The following ADARB2 variants were observed in gnomAD, a reference collection of about 807,000 sequenced individuals.
The protein encoded by ADARB2 is adenosine deaminase RNA specific B2 (inactive).
ADARB2 carries 25 observed loss-of-function variants against 62.2 expected under a neutral mutation model. The observed-to-expected ratio is 0.40, with a 90% confidence interval of 0.29 to 0.56. ADARB2 has a LOEUF of 0.56. ADARB2 is among the 20% of genes least tolerant of loss of function. The probability of loss-of-function intolerance (pLI) is 0.43; values close to 1 mark genes in which losing one functional copy is unlikely to be tolerated. For synonymous variants in ADARB2, 572 were observed against 500.8 expected (o/e 1.14, Z -1.90); for missense variants, 1,071 against 1,077.4 (o/e 0.99, Z 0.08).
At chr10:1,656,387 C>T (rs1377178662) in intron 1 of ADARB2, among the ~76,000 whole-genome samples, 3 of 152,188 alleles carry the variant, frequency 2.0e-5, no homozygotes, top group African/African-American at 7.2e-5. Context: ...GCCATGACTC[C>T]TAGCCCAAAG....
chr10:1,276,697 C>T (rs572382185), intron 3 of ADARB2, among the ~76,000 whole-genome samples: 13 of 152,228 alleles, frequency 8.5e-5, no homozygotes, highest in Non-Finnish European at 1.8e-4. Context: ...GACAGATCAA[C>T]GAGACATAAA....
chr10:1,659,175 A>T (rs1834211644), intron 1 of ADARB2, among the ~76,000 whole-genome samples: 1 of 152,234 alleles, frequency 6.6e-6, no homozygotes, highest in Non-Finnish European at 1.5e-5. Context: ...GAAAAAGTCA[A>T]TCGACATCTG....
intron 3 of ADARB2, among the ~76,000 whole-genome samples, chr10:1,347,355 T>C (rs946320820): frequency 1.3e-5 from 2 of 152,264 alleles, no homozygotes; most frequent in Non-Finnish European, 2.9e-5. Context: ...GCATGGTTCA[T>C]GCATCTGCCC....
At chr10:1,612,086 T>C (rs1408765278) in intron 1 of ADARB2, among the ~76,000 whole-genome samples, 1 of 152,172 alleles carries the variant, frequency 6.6e-6, no homozygotes, top group East Asian at 1.9e-4. Flanking sequence ...AGGGGATCTT[T>C]CCAGCTGGCA....
chr10:1,349,047 A>T (rs913500746), intron 3 of ADARB2, among the ~76,000 whole-genome samples: 3 of 152,158 alleles, frequency 2.0e-5, no homozygotes, highest in Admixed American at 2.0e-4. Context: ...CTAAGCCATC[A>T]TATCCCCTGT....
At chr10:1,486,680 C>T (rs538438792) in intron 1 of ADARB2, among the ~76,000 whole-genome samples, 10 of 152,192 alleles carry the variant, frequency 6.6e-5, no homozygotes, top group South Asian at 2.1e-4. Flanking sequence ...GCAAAAGAAA[C>T]GACGGCCAGC....
At chr10:1,521,004 C>T (rs1019529909) in intron 1 of ADARB2, among the ~76,000 whole-genome samples, 2 of 152,102 alleles carry the variant, frequency 1.3e-5, no homozygotes, top group Non-Finnish European at 2.9e-5. Context: ...TAGGTCCAGC[C>T]CCACTGTCAT....
chr10:1,343,737 C>G (rs1832053274), intron 3 of ADARB2, among the ~76,000 whole-genome samples: 1 of 152,184 alleles, frequency 6.6e-6, no homozygotes, highest in Non-Finnish European at 1.5e-5. Flanking sequence ...ATGGATGGAG[C>G]TGGAAGCCCT....
chr10:1,256,737 T>A (rs1410827624), intron 4 of ADARB2, among the ~76,000 whole-genome samples: 3 of 152,212 alleles, frequency 2.0e-5, no homozygotes, highest in Non-Finnish European at 4.4e-5. Context: ...GCCCTGTTCC[T>A]ACCCCCAAGA....
intron 5 of ADARB2, 121 bp from the exon 6 acceptor site, chr10:1,233,966 C>CATTT: frequency 4.0e-6 from 3 of 745,556 alleles, no homozygotes; most frequent in Non-Finnish European, 5.2e-6. Flanking sequence ...TATATTTTTC[C>CATTT]TTTTTTTTTT....
chr10:1,360,415 G>A (rs1832241815), intron 3 of ADARB2, among the ~76,000 whole-genome samples: 1 of 152,218 alleles, frequency 6.6e-6, no homozygotes, highest in Admixed American at 6.5e-5. Flanking sequence ...TGGGACCAGG[G>A]GTCTGCGTGG....
intron 1 of ADARB2, among the ~76,000 whole-genome samples, chr10:1,565,061 T>C (rs916626715): frequency 1.5e-4 from 23 of 152,302 alleles, no homozygotes; most frequent in African/African-American, 5.5e-4. Context: ...CTCTCCGCTC[T>C]CCTCGCCTGG....
chr10:1,737,267 G>A lies in ADARB2; in HGVS notation c.-117C>T, dbSNP rs1454285751. ...GCTTGAGGTTGCAAACCCGGGAGCG[G>A]CTCACTTTTCAGGACTGAGCAGGAA... On this transcript the variant is annotated 5_prime_UTR_variant, in exon 1 of 10. Transcript: ENST00000381312. The A allele has an allele frequency of 2.4e-5, 25 of 1,054,022 alleles. No homozygotes were observed. The highest frequency in any genetic ancestry group is 2.7e-4 in the Middle Eastern group (1 of 3,716). The allele number at this position is 1,054,022 out of a possible 1,614,324, so 65.3% of individuals were successfully genotyped here.
intron 3 of ADARB2, among the ~76,000 whole-genome samples, chr10:1,301,979 A>T (rs910781292): frequency 6.6e-6 from 1 of 152,092 alleles, no homozygotes; most frequent in African/African-American, 2.4e-5. Flanking sequence ...TGTGCACTGC[A>T]TGGGTTTGAC....
rs1391380449 is a variant in ADARB2, at chr10:1,209,535, T to A, written c.1682+7416A>T. 7.4e-3 allele frequency among the ~76,000 whole-genome samples: 554 copies of A among 74,888 alleles called. 3 individuals carry two copies. Among genetic ancestry groups the A allele is most frequent in the African/African-American group, 0.031 (519 of 16,582 alleles). The allele number at this position is 74,888 out of a possible 152,430, so 49.1% of individuals were successfully genotyped here. A position where few individuals can be genotyped will look rare whatever the true frequency, so the allele number is the denominator to read the frequency against. On this transcript the variant is annotated intron_variant, in intron 7 of 9. Coordinates refer to ENST00000381312, the MANE Select transcript of ADARB2 (RefSeq NM_018702.4). ...GTCACCCATGCCCACACCTACAGCC[T>A]CGCCCACACCCATGCCATCACCCAC...
At chr10:1,215,052 G>C (rs560951974) in intron 7 of ADARB2, among the ~76,000 whole-genome samples, 129 of 101,700 alleles carry the variant, frequency 1.3e-3, no homozygotes, top group Non-Finnish European at 2.1e-3. Context: ...CAGAGCTGTA[G>C]GGGCCTGCAG....
At chr10:1,413,435 A>C (rs1236245446) in intron 1 of ADARB2, among the ~76,000 whole-genome samples, 2 of 152,300 alleles carry the variant, frequency 1.3e-5, no homozygotes, top group Non-Finnish European at 2.9e-5. Flanking sequence ...TCACACAAAA[A>C]ACATGTGGGT....
chr10:1,552,065 G>T (rs904657236), intron 1 of ADARB2, among the ~76,000 whole-genome samples: 1 of 152,104 alleles, frequency 6.6e-6, no homozygotes, highest in Non-Finnish European at 1.5e-5. Context: ...CTCCTCCCTC[G>T]CAGCCGATCA....
At chr10:1,371,474 C>CA (rs1832371242) in intron 2 of ADARB2, among the ~76,000 whole-genome samples, 1 of 151,838 alleles carries the variant, frequency 6.6e-6, no homozygotes, top group African/African-American at 2.4e-5. Context: ...TTCTGCACAG[C>CA]AAAAAATAAA....
Sources: allele counts gnomAD v4.1 joint callset (sites outside exome capture counted in the v4.1 genomes callset), GRCh38; gene constraint gnomAD v4.1.1; transcripts MANE v1.5; gene names NCBI Gene and HGNC (gene_info 2026-07-23, HGNC 2026-07-21).